Variants in PCNX1 observed in about 807,000 individuals in gnomAD.
PCNX1 encodes pecanex 1.
A neutral mutation model predicts 242.2 loss-of-function variants in PCNX1; 78 were observed. The observed-to-expected ratio is 0.32, with a 90% CI of 0.27 to 0.39. The LOEUF is 0.39. Ranked by LOEUF, PCNX1 falls within the 10% of genes least tolerant of loss-of-function variation. PCNX1 has a pLI of 1.00. For synonymous variants in PCNX1, 1,024 were observed against 1,032.9 expected (o/e 0.99, Z 0.17); for missense variants, 2,581 against 2,856.5 (o/e 0.90, Z 2.20).
At chr14:71,088,003 T>C (rs988288176) in intron 28 of PCNX1, among the ~76,000 whole-genome samples, 2 of 152,122 alleles carry the variant, frequency 1.3e-5, no homozygotes, top group Non-Finnish European at 2.9e-5. Context: ...GATAGAAATA[T>C]TGTATTTTCA....
At chr14:71,089,381 T>C (rs2062070341) in intron 30 of PCNX1, 39 bp downstream of exon 30, 1 of 1,459,608 alleles carries the variant, frequency 6.9e-7, no homozygotes, top group African/African-American at 1.4e-5. Context: ...TACTGGTGTT[T>C]ACTGATCCTT....
At chr14:70,943,668 CCAAAT>C (rs1472041899) in intron 1 of PCNX1, among the ~76,000 whole-genome samples, 25 of 152,290 alleles carry the variant, frequency 1.6e-4, no homozygotes, top group African/African-American at 5.8e-4. Flanking sequence ...TAACGAGGAG[CCAAAT>C]GTTAATCACC....
chr14:71,032,496 G>A (rs2060416236), intron 16 of PCNX1, among the ~76,000 whole-genome samples: 1 of 150,338 alleles, frequency 6.7e-6, no homozygotes, highest in African/African-American at 2.5e-5. Context: ...AAGATCTAAG[G>A]ATGCAGCTCT....
chr14:70,970,998 TAGAG>T (rs988221077), intron 5 of PCNX1, among the ~76,000 whole-genome samples: 14 of 152,132 alleles, frequency 9.2e-5, no homozygotes, highest in African/African-American at 2.4e-4. Flanking sequence ...TGTTATTGCT[TAGAG>T]AGAAATTATA....
At chr14:71,017,525 G>A (rs2059990614) in intron 11 of PCNX1, among the ~76,000 whole-genome samples, 1 of 152,032 alleles carries the variant, frequency 6.6e-6, no homozygotes, top group South Asian at 2.1e-4. Flanking sequence ...GCTTAAATGT[G>A]AAACGTAAAA....
intron 5 of PCNX1, among the ~76,000 whole-genome samples, chr14:70,974,435 T>G (rs1427440989): frequency 6.6e-6 from 1 of 152,112 alleles, no homozygotes; most frequent in African/African-American, 2.4e-5. Flanking sequence ...ACCCAGCCAG[T>G]GCCACCTTTT....
chr14:71,034,894 A>G (rs2060486609), intron 18 of PCNX1, among the ~76,000 whole-genome samples: 2 of 152,246 alleles, frequency 1.3e-5, no homozygotes, highest in African/African-American at 4.8e-5. Flanking sequence ...CATAAATCTA[A>G]GAGGTCAGTT....
At chr14:71,042,589 C>T (rs928542835) in intron 19 of PCNX1, among the ~76,000 whole-genome samples, 2 of 151,094 alleles carry the variant, frequency 1.3e-5, no homozygotes, top group African/African-American at 2.4e-5. Context: ...CTGTAGGCAG[C>T]ATATAATTGG....
chr14:71,075,136 A>G (rs1300522857), intron 27 of PCNX1, among the ~76,000 whole-genome samples: 2 of 151,688 alleles, frequency 1.3e-5, no homozygotes, highest in Non-Finnish European at 2.9e-5. Context: ...CTGGGACTAC[A>G]GGTGCATGCC....
intron 12 of PCNX1, among the ~76,000 whole-genome samples, chr14:71,020,541 G>A (rs570408355): frequency 6.6e-6 from 1 of 152,292 alleles, no homozygotes; most frequent in East Asian, 1.9e-4. Context: ...TTAATGATGA[G>A]CTTTTTTTCA....
chr14:70,956,495 G>A (rs145953490), intron 2 of PCNX1, among the ~76,000 whole-genome samples: 1,979 of 152,142 alleles, frequency 0.013, 27 homozygotes, highest in African/African-American at 0.034. Context: ...GGAGTTTGAG[G>A]CTGCAGTGAG....
At chr14:70,970,483 AG>A (rs1595091431) in intron 5 of PCNX1, among the ~76,000 whole-genome samples, 1 of 152,198 alleles carries the variant, frequency 6.6e-6, no homozygotes, top group South Asian at 2.1e-4. Context: ...ATAATCTCAG[AG>A]GGGTTGGTGC....
Position 71,109,525 on chromosome 14 carries a change from G to A in PCNX1, c.6818G>A (p.Gly2273Glu), listed in dbSNP as rs753263653. The stretch of plus-strand genomic sequence containing the variant: ...AAAGAGCTACAGTGGCCTGATGAAG[G>A]AATCCGGTTAAAAGCTGGGAGAAAT... ...KRKELQWPDE[G>E]IRLKAGRNSW... The change falls in exon 35 of 36, where the codon GGA becomes GAA. Residue 2273 changes from glycine to glutamate, a missense_variant. Gly to Glu is a moderately conservative substitution (Grantham distance 98). Around this residue, in one of 9 missense-constraint regions of PCNX1, gnomAD observed 432 missense variants for 433.6 expected, o/e 1.00. Coordinates refer to ENST00000304743, the MANE Select transcript of PCNX1 (RefSeq NM_014982.3). The A allele has an allele frequency of 3.0e-5, 49 of 1,614,054 alleles. No individual in the cohort carries two copies. Among genetic ancestry groups the A allele is most frequent in the Non-Finnish European group, 4.0e-5 (47 of 1,179,910 alleles).
rs553190816 is a variant in PCNX1 at position 71,032,536 on chromosome 14, T to TG, written c.3559-892dup. 1.4e-4 allele frequency among the ~76,000 whole-genome samples: 21 copies of TG among 152,314 alleles called. No homozygotes were observed. The East Asian group carries it at 4.0e-3, about 29-fold the overall frequency. ...AGTGTTCAATATGATGATAAGGTTT[T>TG]GATGTAGCTATTAAAAAAATAAAAT... On this transcript the variant is annotated intron_variant, in intron 16 of 35. Coordinates refer to ENST00000304743, the MANE Select transcript of PCNX1 (RefSeq NM_014982.3).
chr14:71,037,229 T>C (rs71425298), intron 19 of PCNX1, among the ~76,000 whole-genome samples: 16,864 of 144,936 alleles, frequency 0.12, 896 homozygotes, highest in African/African-American at 0.2. Flanking sequence ...TCATGTCATC[T>C]GCAAACAGGG....
rs150819646 is a variant in PCNX1 at position 71,045,954 on chromosome 14, C to A, written c.4018+671C>A. ...GCCCCATTATCTGTAATATATTGTA[C>A]TTCCTCATTTTAGAGAAATAATAAA... On this transcript the variant is annotated intron_variant, in intron 20 of 35. Coordinates refer to ENST00000304743, the MANE Select transcript of PCNX1 (RefSeq NM_014982.3). Among the ~76,000 whole-genome samples, 1,194 of 152,150 alleles carry A rather than the reference C, an allele frequency of 7.8e-3. 8 individuals are homozygous for A. Among genetic ancestry groups the A allele is most frequent in the South Asian group, 0.017 (82 of 4,824 alleles).
At chr14:70,943,892 C>T (rs1045388687) in intron 1 of PCNX1, among the ~76,000 whole-genome samples, 3 of 152,190 alleles carry the variant, frequency 2.0e-5, no homozygotes, top group Admixed American at 1.3e-4. Context: ...TCAGAGGGTG[C>T]AAGCATCAAG....
rs777385826 is a variant in PCNX1, at chr14:70,977,842, A to G, written c.1505A>G (p.Gln502Arg). The G allele has an allele frequency of 2.5e-5, 40 of 1,614,060 alleles. No individual in the cohort carries two copies. Among genetic ancestry groups the G allele is most frequent in the Non-Finnish European group, 3.4e-5 (40 of 1,180,034 alleles). ...KNPHANEFTS[Q>R]GDRPPGNTAE... ...CCCCATGCAAATGAATTTACTTCCC[A>G]AGGGGACAGACCACCTGGGAACACT... Residue 502 changes from glutamine (Q) to arginine (R), a missense_variant, in exon 6 of 36, where the codon CAA (glutamine) becomes CGA (arginine). This residue lies in a region of PCNX1 where 1,204 missense variants were observed against 1,216.7 expected (regional missense o/e 0.99). Coordinates refer to ENST00000304743, the MANE Select transcript of PCNX1 (RefSeq NM_014982.3).
intron 33 of PCNX1, among the ~76,000 whole-genome samples, chr14:71,106,189 T>G (rs1235590516): frequency 6.6e-6 from 1 of 151,710 alleles, no homozygotes; most frequent in Non-Finnish European, 1.5e-5. Flanking sequence ...AATTTTTTTT[T>G]TGTATTTTTC....
Sources: allele counts gnomAD v4.1 joint callset (sites outside exome capture counted in the v4.1 genomes callset), GRCh38; gene constraint gnomAD v4.1.1; regional missense constraint gnomAD v4.1.1; transcripts MANE v1.5; gene names NCBI Gene and HGNC (gene_info 2026-07-23, HGNC 2026-07-21).